The following AKNA variants were observed in gnomAD, a reference collection of about 807,000 sequenced individuals.
The protein encoded by AKNA is AT-hook transcription factor.
In AKNA, 67 loss-of-function variants were observed where a neutral mutation model predicts 138.8. The ratio of observed to expected loss-of-function variants is 0.48; its 90% CI spans 0.40 to 0.59. The LOEUF is 0.59. Among genes scored for constraint, AKNA ranks in the 20% least tolerant of loss-of-function variants. The pLI is 0.00. For missense variants in AKNA, 1,813 were observed against 1,880.4 expected, an observed-to-expected ratio of 0.96 and a Z score of 0.66; for synonymous variants, 737 against 754.4, an observed-to-expected ratio of 0.98 and a Z score of 0.38.
chr9:114,379,601 G>A (rs1388942196), intron 2 of AKNA, among the ~76,000 whole-genome samples: 3 of 152,208 alleles, frequency 2.0e-5, no homozygotes, highest in Admixed American at 6.5e-5. Flanking sequence ...ACACCAGCCT[G>A]CGGGAGTCAC....
intron 1 of AKNA, among the ~76,000 whole-genome samples, chr9:114,386,754 C>T (rs1834060490): frequency 6.6e-6 from 1 of 152,156 alleles, no homozygotes; most frequent in Non-Finnish European, 1.5e-5. Flanking sequence ...ATGGACTCTT[C>T]TTCCCCACCA....
At chr9:114,371,594 G>A (rs1011083186) in intron 4 of AKNA, among the ~76,000 whole-genome samples, 4 of 152,218 alleles carry the variant, frequency 2.6e-5, no homozygotes, top group African/African-American at 9.7e-5. Flanking sequence ...GGGATGTTGA[G>A]CAAACCATTC....
rs2131740614 is a variant in AKNA at position 114,335,998 on chromosome 9, GC to G, written c.*1055del. On this transcript the variant is annotated 3_prime_UTR_variant, in exon 22 of 22. Transcript: ENST00000374088. ...AAGGGGGAAAACTGGAGAAACAGAA[GC>G]CACCAGAGGGAGGCAGGCAGAGCAC... The G allele has an allele frequency of 6.6e-6, 1 of 152,348 alleles. No individual in the cohort carries two copies. The highest frequency in any genetic ancestry group is 2.1e-4 in the South Asian group (1 of 4,824). The allele number at this position is 152,348 out of a possible 1,614,324, so 9.4% of individuals were successfully genotyped here. A position where few individuals can be genotyped will look rare whatever the true frequency, so the allele number is the denominator to read the frequency against.
chr9:114,356,021 G>A lies in AKNA; in HGVS notation c.2962C>T (p.Arg988Trp), dbSNP rs763765580. The A allele has an allele frequency of 5.6e-6, 9 of 1,614,038 alleles. No individual in the cohort carries two copies. Among genetic ancestry groups the A allele is most frequent in the Admixed American group, 3.3e-5 (2 of 60,000 alleles). The change falls in exon 14 of 22, where the codon CGG becomes TGG. Residue 988 changes from arginine to tryptophan, a missense_variant. Arg to Trp is a moderately radical substitution (Grantham distance 101, BLOSUM62 -3). Coordinates refer to ENST00000374088, the MANE Select transcript of AKNA (RefSeq NM_001317950.2). The part of the protein sequence containing the change: ...PRRATEPSTP[R>W]SQAQRYLSSP... ...GAGAGGTACCTCTGTGCTTGGCTCCGGGGTGTGCTGGGCTCTGTGGCTCTT... is the reference window on the plus strand; with the variant it reads ...GAGAGGTACCTCTGTGCTTGGCTCCAGGGTGTGCTGGGCTCTGTGGCTCTT...
chr9:114,382,049 C>T (rs564794264), intron 1 of AKNA, among the ~76,000 whole-genome samples: 17 of 152,304 alleles, frequency 1.1e-4, no homozygotes, highest in Admixed American at 7.2e-4. Context: ...AGTGTTACTG[C>T]GTACTGGCTC....
upstream of AKNA, among the ~76,000 whole-genome samples, chr9:114,390,448 T>C (rs1834289530): frequency 6.6e-6 from 1 of 151,872 alleles, no homozygotes. Context: ...TTACATCCCA[T>C]AACCAATCCA....
chr9:114,366,729 G>A (rs1832389310), intron 6 of AKNA, among the ~76,000 whole-genome samples: 1 of 151,446 alleles, frequency 6.6e-6, no homozygotes, highest in South Asian at 2.1e-4. Context: ...AAGAGGAGAG[G>A]GGAAGGGAGA....
chr9:114,392,845 C>A (rs531553813), upstream of AKNA, among the ~76,000 whole-genome samples: 16 of 152,284 alleles, frequency 1.1e-4, no homozygotes, highest in African/African-American at 3.9e-4. Context: ...GCTCACTGAC[C>A]CAGCTAGAAA....
intron 12 of AKNA, 48 bp from the exon 13 acceptor site, chr9:114,357,017 C>T (rs1485638918): frequency 6.6e-7 from 1 of 1,518,562 alleles, no homozygotes; most frequent in Admixed American, 2.2e-5. Context: ...GTCCAAGGCA[C>T]ACTGGGAAGC....
In AKNA at chr9:114,376,751, C is replaced by T; in HGVS notation, c.1056G>A (p.Gly352=). 6.2e-7 allele frequency: 1 copy of T among 1,612,406 alleles called. No individual in the cohort carries two copies. The highest frequency in any genetic ancestry group is 8.5e-7 in the Non-Finnish European group (1 of 1,179,036). The change falls in exon 3 of 22, where the codon GGG becomes GGA. Residue 352 remains glycine, a synonymous_variant. Transcript: ENST00000374088. ...AATCAGGGAGTGGGTAGTTCAACTG[C>T]CCCCGGCCATACTTGGGGGCATTAG... ...SSSNAPKYGR[G]QLNYPLPDFS... is the part of the protein sequence containing the mutation.
intron 4 of AKNA, among the ~76,000 whole-genome samples, chr9:114,372,960 G>A (rs560663363): frequency 9.5e-4 from 116 of 122,700 alleles, no homozygotes; most frequent in African/African-American, 3.2e-3. Flanking sequence ...GTGTGGGGAC[G>A]CAGCGGGGGG....
chr9:114,370,462 A>G (rs1409595700), intron 4 of AKNA, among the ~76,000 whole-genome samples: 1 of 152,166 alleles, frequency 6.6e-6, no homozygotes, highest in Non-Finnish European at 1.5e-5. Context: ...TCAGGGACCG[A>G]TAAGGAGTTT....
upstream of AKNA, among the ~76,000 whole-genome samples, chr9:114,390,026 G>A (rs760133554): frequency 6.6e-6 from 1 of 152,210 alleles, no homozygotes; most frequent in African/African-American, 2.4e-5. Context: ...TGCAAGGGGC[G>A]GGCTCCCCTG....
intron 11 of AKNA, chr9:114,358,465 T>G: frequency 2.7e-6 from 1 of 364,130 alleles, no homozygotes; most frequent in Non-Finnish European, 5.0e-6. Flanking sequence ...ACCTTCCCTA[T>G]TTCAGTCATT....
At chr9:114,395,273 G>A (rs898527312), upstream of AKNA, among the ~76,000 whole-genome samples, 6 of 152,044 alleles carry the variant, frequency 3.9e-5, no homozygotes, top group African/African-American at 4.8e-5. Flanking sequence ...GTGTTTGTAC[G>A]CAGGACACAC....
chr9:114,379,681 A>G (rs1833498821), intron 2 of AKNA, among the ~76,000 whole-genome samples: 1 of 152,192 alleles, frequency 6.6e-6, no homozygotes. Context: ...AGCTCTTACT[A>G]TTCTCCACGA....
rs577760866 is a variant in AKNA at position 114,380,644 on chromosome 9, T to C, written c.274+416A>G. ...ATTTTTAATTACAGACTTTGTAGAA[T>C]TTAATTGAAAATGCTGAAGCAGCGT... is the stretch of plus-strand genomic sequence containing the variant. On this transcript the variant is annotated intron_variant, in intron 2 of 21. Coordinates refer to ENST00000374088, the MANE Select transcript of AKNA (RefSeq NM_001317950.2). Among the ~76,000 whole-genome samples the C allele has an allele frequency of 6.6e-5, 10 of 152,220 alleles. No individual in the cohort carries two copies. In the East Asian group the frequency reaches 1.5e-3, roughly 24 times the overall value.
In AKNA at chr9:114,337,189, T is replaced by C. The variant is rs747984154; in HGVS notation, c.4185A>G (p.Leu1395=). The C allele has an allele frequency of 6.2e-7, 1 of 1,600,524 alleles. No homozygotes were observed. The highest frequency in any genetic ancestry group is 1.1e-5 in the South Asian group (1 of 90,298). ...GGCTCAGGGCCTTGTTGAGCTCCTCTAGGTCGCCCAGGTCGAGCTGGATGG... is the reference window on the plus strand; with the variant it reads ...GGCTCAGGGCCTTGTTGAGCTCCTCCAGGTCGCCCAGGTCGAGCTGGATGG... ...RHSIQLDLGD[L]EELNKALSRA... The change falls in exon 22 of 22, where the codon CTA becomes CTG. Residue 1395 remains leucine, a synonymous_variant. Transcript: ENST00000374088.
intron 21 of AKNA, 23 bp downstream of exon 21, chr9:114,341,509 GA>G: frequency 6.2e-7 from 1 of 1,613,894 alleles, no homozygotes; most frequent in East Asian, 2.2e-5. Flanking sequence ...AAGAGGCTGG[GA>G]AGGTCAGAAT....
Sources: gnomAD v4.1 joint callset for allele counts (sites outside exome capture counted in the v4.1 genomes callset) on GRCh38, gnomAD v4.1.1 for gene constraint, MANE v1.5 for transcripts, NCBI Gene and HGNC (gene_info 2026-07-23, HGNC 2026-07-21) for gene names.